Variants in ABHD12 observed in about 807,000 individuals in gnomAD.
ABHD12 encodes the protein lysophosphatidylserine lipase ABHD12.
A neutral mutation model predicts 58.3 loss-of-function variants in ABHD12; 43 were observed. The ratio of observed to expected loss-of-function variants is 0.74; its 90% confidence interval spans 0.58 to 0.95. The LOEUF is 0.95. Among genes scored for constraint, ABHD12 ranks in the 40% least tolerant of loss-of-function variants. ABHD12 has a pLI of 0.00. For missense variants in ABHD12, 539 were observed against 537.2 expected (o/e 1.00, Z -0.03); for synonymous variants, 219 against 211.2 (o/e 1.04, Z -0.32).
chr20:25,338,313 C>T (rs896847086), intron 2 of ABHD12, among the ~76,000 whole-genome samples: 41 of 152,298 alleles, frequency 2.7e-4, no homozygotes, highest in African/African-American at 7.9e-4. Context: ...AGGCCAGACT[C>T]ACTATGTGCA....
At chr20:25,387,398 A>G (rs1325315287) in intron 1 of ABHD12, among the ~76,000 whole-genome samples, 1 of 150,016 alleles carries the variant, frequency 6.7e-6, no homozygotes, top group Admixed American at 6.6e-5. Context: ...CCATCTCTAC[A>G]AAAAATACAA....
intron 2 of ABHD12, among the ~76,000 whole-genome samples, chr20:25,327,870 A>G (rs2089202711): frequency 6.6e-6 from 1 of 152,174 alleles, no homozygotes; most frequent in Admixed American, 6.5e-5. Context: ...AACTTGATGG[A>G]CCAGCTGGCA....
chr20:25,306,867 T>C lies in ABHD12; in HGVS notation c.916A>G (p.Thr306Ala). Residue 306 changes from threonine (T) to alanine (A), a missense_variant, in exon 10 of 13, where the codon ACA becomes GCA. By Grantham distance (58) the Thr-to-Ala change is moderately conservative. Transcript: ENST00000339157. ...TTTGCAAATTTAATTCCACTACTTG[T>C]AATAGGATCAAGGAAGAACCAGTCA... ...GFDWFFLDPITSSGIKFANDE... is the reference protein window; with the variant it reads ...GFDWFFLDPIASSGIKFANDE... The C allele has an allele frequency of 6.2e-7, 1 of 1,612,858 alleles. No individual in the cohort carries two copies. Among genetic ancestry groups the C allele is most frequent in the Non-Finnish European group, 8.5e-7 (1 of 1,179,008 alleles).
chr20:25,297,550 A>C (rs2088567793), downstream of ABHD12: 1 of 152,234 alleles, frequency 6.6e-6, no homozygotes, highest in Admixed American at 6.5e-5. Context: ...GGAGGAACCC[A>C]TTTGTGCTCT....
At chr20:25,334,125 T>A (rs2089323142) in intron 2 of ABHD12, among the ~76,000 whole-genome samples, 1 of 151,176 alleles carries the variant, frequency 6.6e-6, no homozygotes, top group Non-Finnish European at 1.5e-5. Context: ...GGATACAAAA[T>A]CAATGTACAA....
intron 1 of ABHD12, among the ~76,000 whole-genome samples, chr20:25,367,242 G>A (rs1256201005): frequency 6.6e-6 from 1 of 152,100 alleles, no homozygotes; most frequent in Non-Finnish European, 1.5e-5. Flanking sequence ...GAGATGACAT[G>A]TAGTCATTAA....
intron 4 of ABHD12, among the ~76,000 whole-genome samples, chr20:25,317,557 C>A (rs1298976856): frequency 1.3e-5 from 2 of 152,232 alleles, no homozygotes; most frequent in Non-Finnish European, 2.9e-5. Flanking sequence ...GACTGTTTCC[C>A]ACCTGGCACT....
chr20:25,388,038 C>CAA (rs748581834), intron 1 of ABHD12, among the ~76,000 whole-genome samples: 2,698 of 57,878 alleles, frequency 0.047, 164 homozygotes, highest in African/African-American at 0.14. Flanking sequence ...GACTCCTTCT[C>CAA]AAAAAAAAAA....
intron 1 of ABHD12, among the ~76,000 whole-genome samples, chr20:25,344,274 T>C (rs1054253876): frequency 2.6e-5 from 4 of 152,156 alleles, no homozygotes; most frequent in Non-Finnish European, 5.9e-5. Context: ...AAATAAAACT[T>C]TGCAGATCAC....
intron 4 of ABHD12, 64 bp from the exon 5 acceptor site, chr20:25,317,142 G>A: frequency 8.3e-7 from 1 of 1,205,986 alleles, no homozygotes; most frequent in Non-Finnish European, 1.2e-6. Flanking sequence ...AGGTCAACTT[G>A]TCCTCCATAC....
intron 1 of ABHD12, among the ~76,000 whole-genome samples, chr20:25,365,801 C>A (rs1250105293): frequency 6.6e-6 from 1 of 152,142 alleles, no homozygotes; most frequent in African/African-American, 2.4e-5. Context: ...ATAATCCCAG[C>A]AATTTGAGAG....
chr20:25,379,136 G>A (rs1388109453), intron 1 of ABHD12, among the ~76,000 whole-genome samples: 1 of 152,156 alleles, frequency 6.6e-6, no homozygotes, highest in Non-Finnish European at 1.5e-5. Flanking sequence ...TCCATGCTGG[G>A]ATGTGTGCAG....
In ABHD12 at chr20:25,306,827, A is replaced by T; in HGVS notation, c.950+6T>A. 6.4e-7 allele frequency: 1 copy of T among 1,562,950 alleles called. No individual in the cohort carries two copies. The highest frequency in any genetic ancestry group is 8.8e-7 in the Non-Finnish European group (1 of 1,134,180). The stretch of plus-strand genomic sequence containing the variant: ...GGAAAATTAGTTCCTGTCCCATAAT[A>T]CTCACTTTTCATCATTTGCAAATTT... On this transcript the variant is annotated splice_donor_region_variant and intron_variant, in intron 10 of 12. Coordinates refer to ENST00000339157, the MANE Select transcript of ABHD12 (RefSeq NM_001042472.3).
intron 1 of ABHD12, chr20:25,339,570 G>A: frequency 6.8e-7 from 1 of 1,467,780 alleles, no homozygotes; most frequent in Non-Finnish European, 9.3e-7. Flanking sequence ...GGGGTAAGAG[G>A]AACTTTTTTT....
At chr20:25,296,382 T>C, downstream of ABHD12, 3 of 1,613,384 alleles carry the variant, frequency 1.9e-6, no homozygotes, top group Non-Finnish European at 2.5e-6. Flanking sequence ...CCCCAAGGAG[T>C]GGACCAAGAA....
At chr20:25,295,015 T>C in exon 13 of ABHD12, 4 of 1,614,222 alleles carry the variant, frequency 2.5e-6, no homozygotes, top group Non-Finnish European at 2.5e-6. Flanking sequence ...GGCTGGAACC[T>C]GGGCCCTGCT....
chr20:25,344,224 TAAGAA>T (rs1751476476), intron 1 of ABHD12, among the ~76,000 whole-genome samples: 1 of 152,056 alleles, frequency 6.6e-6, no homozygotes, highest in African/African-American at 2.4e-5. Context: ...CACAATAAGA[TAAGAA>T]AAGGAGATAA....
intron 9 of ABHD12, among the ~76,000 whole-genome samples, chr20:25,307,238 C>T (rs977760321): frequency 2.0e-5 from 3 of 152,242 alleles, no homozygotes; most frequent in Non-Finnish European, 2.9e-5. Flanking sequence ...AGTCTTCCCG[C>T]AGACACCAGG....
At chr20:25,339,934 C>G (rs2089433187) in intron 1 of ABHD12, among the ~76,000 whole-genome samples, 1 of 152,228 alleles carries the variant, frequency 6.6e-6, no homozygotes. Context: ...CTTTTCCAGG[C>G]CCGTCAAGCC....
Sources: gnomAD v4.1 joint callset for allele counts (sites outside exome capture counted in the v4.1 genomes callset) on GRCh38, gnomAD v4.1.1 for gene constraint, MANE v1.5 for transcripts, NCBI Gene and HGNC (gene_info 2026-07-23, HGNC 2026-07-21) for gene names.